Variants in NHSL1 observed in about 807,000 individuals in gnomAD.
The protein encoded by NHSL1 is NHS like 1.
In NHSL1, 48 loss-of-function variants were observed where a neutral mutation model predicts 95.0. The ratio of observed to expected loss-of-function variants is 0.51; its 90% CI spans 0.40 to 0.64. The LOEUF (loss-of-function observed/expected upper bound fraction) is 0.64, where lower values mean the gene tolerates loss of function less well. Ranked by LOEUF, NHSL1 falls within the 30% of genes least tolerant of loss-of-function variation. NHSL1 has a pLI of 0.00. For synonymous variants in NHSL1, 783 were observed against 833.9 expected (o/e 0.94, Z 1.05); for missense variants, 1,971 against 2,077.7 (o/e 0.95, Z 1.00).
At chr6:138,555,903 T>C (rs1032714511) in intron 1 of NHSL1, among the ~76,000 whole-genome samples, 3 of 152,070 alleles carry the variant, frequency 2.0e-5, no homozygotes, top group Admixed American at 1.3e-4. Flanking sequence ...CTGGGCCCTG[T>C]TGGGTACAGG....
chr6:138,440,623 A>G (rs1419698772), intron 5 of NHSL1, among the ~76,000 whole-genome samples: 1 of 152,270 alleles, frequency 6.6e-6, no homozygotes, highest in African/African-American at 2.4e-5. Flanking sequence ...AAGGCAGAGC[A>G]TATATACTAC....
chr6:138,452,094 T>C (rs1777275860), intron 3 of NHSL1, among the ~76,000 whole-genome samples: 1 of 152,214 alleles, frequency 6.6e-6, no homozygotes, highest in Non-Finnish European at 1.5e-5. Context: ...AGTTTTGGGA[T>C]CTGTCAGTTG....
chr6:138,464,273 CT>C, intron 3 of NHSL1: 1 of 799,086 alleles, frequency 1.3e-6, no homozygotes, highest in Non-Finnish European at 2.1e-6. Context: ...CCACTTCCTG[CT>C]TTGGCAGACC....
chr6:138,428,056 GT>G (rs778480310), intron 7 of NHSL1, among the ~76,000 whole-genome samples: 9 of 152,162 alleles, frequency 5.9e-5, no homozygotes, highest in Non-Finnish European at 1.2e-4. Flanking sequence ...CCTTAAGAAG[GT>G]TGCCAAAATA....
upstream of NHSL1, among the ~76,000 whole-genome samples, chr6:138,548,149 T>A (rs1782874834): frequency 6.6e-6 from 1 of 151,376 alleles, no homozygotes; most frequent in South Asian, 2.1e-4. Context: ...GCCCGGCTAA[T>A]TTTTTTTTGT....
intron 1 of NHSL1, among the ~76,000 whole-genome samples, chr6:138,659,499 T>C (rs970817479): frequency 3.3e-5 from 5 of 152,150 alleles, no homozygotes; most frequent in African/African-American, 9.7e-5. Context: ...AAGAAAACGG[T>C]GGGCACCTCC....
chr6:138,565,291 G>C (rs1249636086), intron 1 of NHSL1, among the ~76,000 whole-genome samples: 1 of 152,112 alleles, frequency 6.6e-6, no homozygotes, highest in Non-Finnish European at 1.5e-5. Context: ...ATTTTTAGTA[G>C]AGACAGGGTT....
chr6:138,502,103 G>A (rs541755832), upstream of NHSL1, among the ~76,000 whole-genome samples: 22 of 152,032 alleles, frequency 1.4e-4, no homozygotes, highest in South Asian at 6.2e-4. Context: ...CTTCCATCCC[G>A]GCATCCTAGG....
intron 1 of NHSL1, among the ~76,000 whole-genome samples, chr6:138,630,484 C>T (rs370118877): frequency 6.6e-5 from 10 of 152,114 alleles, no homozygotes; most frequent in African/African-American, 1.9e-4. Context: ...CTCCCTGATT[C>T]ATGTGATTCT....
At chr6:138,621,052 A>G (rs890965404) in intron 1 of NHSL1, among the ~76,000 whole-genome samples, 3 of 152,178 alleles carry the variant, frequency 2.0e-5, no homozygotes, top group Admixed American at 1.3e-4. Context: ...AAAGTTGGAC[A>G]CACCAGGCCC....
intron 1 of NHSL1, among the ~76,000 whole-genome samples, chr6:138,625,462 C>G (rs1053012128): frequency 1.3e-5 from 2 of 151,972 alleles, no homozygotes; most frequent in Non-Finnish European, 2.9e-5. Context: ...GCTTTTCCAG[C>G]GTTTAGGTCT....
intron 2 of NHSL1, among the ~76,000 whole-genome samples, chr6:138,479,094 C>T (rs1236637724): frequency 6.6e-6 from 1 of 152,108 alleles, no homozygotes; most frequent in African/African-American, 2.4e-5. Flanking sequence ...CTGGTGGATG[C>T]CTGAAACCAC....
chr6:138,430,419 C>G lies in NHSL1; in HGVS notation c.3926G>C (p.Ser1309Thr). 6.7e-7 allele frequency: 1 copy of G among 1,494,224 alleles called. No homozygotes were observed. Among genetic ancestry groups the G allele is most frequent in the East Asian group, 2.5e-5 (1 of 40,252 alleles). 92.6% of individuals were successfully genotyped at this position (1,494,224 alleles called of 1,614,324 possible). A position where few individuals can be genotyped will look rare whatever the true frequency, so the allele number is the denominator to read the frequency against. The change falls in exon 6 of 8, where the codon AGC becomes ACC. Residue 1309 changes from serine (S) to threonine (T), a missense_variant. Physicochemically the swap from Ser to Thr is moderately conservative, Grantham distance 58. Transcript: ENST00000343505. The surrounding 1 kb of genome is among the most constrained non-coding windows in gnomAD (Gnocchi z 4.7). ...NSADTGGDGE[S>T]CLSQQDGAAG... is the part of the protein sequence containing the mutation. ...TGCTCCGTCCTGTTGAGATAGGCAG[C>G]TCTCCCCATCGCCCCCAGTATCCGC... is the stretch of plus-strand genomic sequence containing the variant.
intron 1 of NHSL1, among the ~76,000 whole-genome samples, chr6:138,589,409 C>A (rs1247221041): frequency 6.6e-6 from 1 of 152,150 alleles, no homozygotes; most frequent in South Asian, 2.1e-4. Context: ...GGGGGCCTCA[C>A]GAGCCAAGCG....
At chr6:138,479,000 T>G (rs934385589) in intron 2 of NHSL1, among the ~76,000 whole-genome samples, 4 of 152,238 alleles carry the variant, frequency 2.6e-5, no homozygotes, top group African/African-American at 9.6e-5. Context: ...CCTCCAAATC[T>G]CTATGCATTA....
At chr6:138,489,761 CAAAAAAA>C (rs771589265) in intron 2 of NHSL1, among the ~76,000 whole-genome samples, 2 of 49,840 alleles carry the variant, frequency 4.0e-5, no homozygotes, top group Admixed American at 2.8e-4. Flanking sequence ...GACCCTGTCT[CAAAAAAA>C]AAAAAAAAAA....
chr6:138,525,485 T>A (rs1781862439), intron 1 of NHSL1, among the ~76,000 whole-genome samples: 1 of 150,956 alleles, frequency 6.6e-6, no homozygotes, highest in Non-Finnish European at 1.5e-5. Context: ...CTGAAATCAT[T>A]CCACTACATT....
chr6:138,691,917 A>AAC, intron 1 of NHSL1: 1 of 456,708 alleles, frequency 2.2e-6, no homozygotes, highest in Non-Finnish European at 4.4e-6. Context: ...TTCTGCGCCA[A>AAC]ATGGGAAAAC....
At position 138,569,098 on chromosome 6, in the gene NHSL1, C is replaced by T. The variant is rs138046569; in HGVS notation, c.202+2612G>A. Among the ~76,000 whole-genome samples the T allele has an allele frequency of 1.9e-3, 286 of 152,298 alleles. 2 individuals are homozygous for T. Among genetic ancestry groups the T allele is most frequent in the African/African-American group, 6.6e-3 (276 of 41,564 alleles). On this transcript the variant is annotated intron_variant, in intron 1 of 6. Coordinates refer to the NHSL1 transcript ENST00000427025. ...GGCAAGCAGTGTGGCCTGGCAGCAG[C>T]TGCTGGAGGGGAGGGAGAACGCCAG... is the stretch of plus-strand genomic sequence containing the variant.
Sources: gnomAD v4.1 joint callset for allele counts (sites outside exome capture counted in the v4.1 genomes callset) on GRCh38, gnomAD v4.1.1 for gene constraint, Gnocchi (gnomAD v3.1) non-coding constraint, MANE v1.5 for transcripts, NCBI Gene and HGNC (gene_info 2026-07-23, HGNC 2026-07-21) for gene names.